CHRNA4: variants seen among roughly 807,000 people sequenced by gnomAD.
The protein encoded by CHRNA4 is neuronal acetylcholine receptor subunit alpha-4.
CHRNA4 carries 28 observed loss-of-function variants against 48.9 expected under a neutral mutation model. That is an observed-to-expected ratio of 0.57 (90% confidence interval 0.42 to 0.79). CHRNA4 has a LOEUF of 0.79. CHRNA4 is among the 30% of genes least tolerant of loss of function. The pLI is 0.00. For synonymous variants in CHRNA4, 425 were observed against 402.3 expected, an observed-to-expected ratio of 1.06 and a Z score of -0.68; for missense variants, 859 against 898.4, an observed-to-expected ratio of 0.96 and a Z score of 0.56.
rs1314808784 is a variant in CHRNA4 at position 63,350,171 on chromosome 20, C to T, written c.1240G>A (p.Val414Met). The change falls in exon 5 of 6, where the codon GTG becomes ATG. Residue 414 changes from valine to methionine, a missense_variant. Coordinates refer to ENST00000370263, the MANE Select transcript of CHRNA4 (RefSeq NM_000744.7). Reference protein sequence around the residue: ...PSPSFCVPLDVPAEPGPSCKS... With the variant: ...PSPSFCVPLDMPAEPGPSCKS... The stretch of plus-strand genomic sequence containing the variant: ...CAGGAAGGCCCAGGCTCAGCCGGCA[C>T]ATCCAGGGGGACACAGAAGGACGGT... The T allele has an allele frequency of 1.9e-6, 3 of 1,589,434 alleles. No homozygotes were observed. Among genetic ancestry groups the T allele is most frequent in the East Asian group, 2.3e-5 (1 of 43,940 alleles).
chr20:63,361,312 TGCG>T lies in CHRNA4; in HGVS notation c.-150_-148del, dbSNP rs1253260994. 2.0e-5 allele frequency: 24 copies of T among 1,182,662 alleles called. 1 individual carries two copies. In the East Asian group the frequency reaches 4.8e-4, roughly 23 times the overall value. The allele number at this position is 1,182,662 out of a possible 1,614,324, so 73.3% of individuals were successfully genotyped here. On this transcript the variant is annotated 5_prime_UTR_variant, in exon 1 of 6. Transcript: ENST00000370263. ...GTTCGTCTTCTCCTGTGGGGCGCGG[TGCG>T]GCGGCGGCGCGGCAGGGAGCGCCGG...
intron 4 of CHRNA4, 79 bp from the exon 5 acceptor site, chr20:63,351,106 T>TGCCCACGTCCACACCCAC (rs1568811238): frequency 7.9e-7 from 1 of 1,270,680 alleles, no homozygotes; most frequent in Non-Finnish European, 1.1e-6. Flanking sequence ...GCCACACCCA[T>TGCCCACGTCCACACCCAC]GCCCACGTCC....
Position 63,350,390 on chromosome 20 carries a change from G to A in CHRNA4, c.1021C>T (p.Pro341Ser). 1 of 1,613,900 alleles carries A rather than the reference G, an allele frequency of 6.2e-7. No homozygotes were observed. The highest frequency in any genetic ancestry group is 8.5e-7 in the Non-Finnish European group (1 of 1,180,038). The change falls in exon 5 of 6, where the codon CCC (proline) becomes TCC (serine). Residue 341 changes from proline to serine, a missense_variant. Transcript: ENST00000370263. Reference protein sequence around the residue: ...HHRSPRTHTMPTWVRRVFLDI... With the variant: ...HHRSPRTHTMSTWVRRVFLDI... Reference sequence around the variant, plus strand: ...AGGAAGACCCTGCGTACCCAGGTGGGCATGGTGTGCGTGCGTGGCGAGCGG... The same window carrying A: ...AGGAAGACCCTGCGTACCCAGGTGGACATGGTGTGCGTGCGTGGCGAGCGG...
rs2068437415 is a variant in CHRNA4 at position 63,343,524 on chromosome 20, T to C, written c.*3214A>G. On this transcript the variant is annotated 3_prime_UTR_variant, in exon 6 of 6. Transcript: ENST00000370263. Reference sequence around the variant, plus strand: ...CACAGCAGCTGCGTGCCCTAGAGTGTCCTGGGCCCGGCCTTAACTTACAAG... The same window carrying C: ...CACAGCAGCTGCGTGCCCTAGAGTGCCCTGGGCCCGGCCTTAACTTACAAG... 4 of 454,114 alleles carry C rather than the reference T, an allele frequency of 8.8e-6. No individual in the cohort carries two copies. The highest frequency in any genetic ancestry group is 1.8e-5 in the Non-Finnish European group (4 of 226,794). 28.1% of individuals were successfully genotyped at this position (454,114 alleles called of 1,614,324 possible).
At position 63,361,310 on chromosome 20, in the gene CHRNA4, G is replaced by A; in HGVS notation, c.-145C>T. ...CGGTTCGTCTTCTCCTGTGGGGCGC[G>A]GTGCGGCGGCGGCGCGGCAGGGAGC... On this transcript the variant is annotated 5_prime_UTR_variant, in exon 1 of 6. Transcript: ENST00000370263. The A allele has an allele frequency of 1.6e-6, 2 of 1,227,316 alleles. No homozygotes were observed. Among genetic ancestry groups the A allele is most frequent in the African/African-American group, 1.7e-5 (1 of 58,120 alleles). 76.0% of individuals were successfully genotyped at this position (1,227,316 alleles called of 1,614,324 possible).
At chr20:63,346,943 G>C in intron 5 of CHRNA4, 80 bp from the exon 6 acceptor site, 1 of 1,596,214 alleles carries the variant, frequency 6.3e-7, no homozygotes, top group East Asian at 2.2e-5. Flanking sequence ...GGCGCCGCCG[G>C]CAACAGCTTC....
At chr20:63,360,833 A>C (rs1447329015) in intron 1 of CHRNA4, 4 of 390,042 alleles carry the variant, frequency 1.0e-5, no homozygotes, top group Non-Finnish European at 1.8e-5. Context: ...CTGAAATAGC[A>C]GCGGAACCCC....
In CHRNA4 at chr20:63,345,133, G is replaced by T. The variant is rs1167273020; in HGVS notation, c.*1605C>A. The T allele has an allele frequency of 1.3e-5, 6 of 453,878 alleles. No individual in the cohort carries two copies. The East Asian group carries it at 2.8e-4, about 21-fold the overall frequency. 28.1% of individuals were successfully genotyped at this position (453,878 alleles called of 1,614,324 possible). ...CATTTCTGGGGCACTCGGCATGCCG[G>T]GTTCCTAACCTCAATTATTCATTCT... On this transcript the variant is annotated 3_prime_UTR_variant, in exon 6 of 6. Coordinates refer to ENST00000370263, the MANE Select transcript of CHRNA4 (RefSeq NM_000744.7). This position sits in a 1 kb window ranked among gnomAD's most constrained non-coding sequence, Gnocchi z 5.4.
chr20:63,353,584 T>G (rs1389068458), intron 4 of CHRNA4, among the ~76,000 whole-genome samples: 1 of 37,822 alleles, frequency 2.6e-5, no homozygotes, highest in Non-Finnish European at 5.0e-5. Flanking sequence ...GCTGCGGTCC[T>G]GGGGGGACTG....
intron 4 of CHRNA4, among the ~76,000 whole-genome samples, chr20:63,351,485 T>C (rs1276823783): frequency 1.3e-5 from 2 of 152,128 alleles, no homozygotes; most frequent in Non-Finnish European, 2.9e-5. Context: ...ATGGGGCTAG[T>C]CTCCCAGCGT....
intron 4 of CHRNA4, among the ~76,000 whole-genome samples, chr20:63,352,280 C>T (rs1465612507): frequency 6.6e-6 from 1 of 152,176 alleles, no homozygotes; most frequent in East Asian, 1.9e-4. Context: ...TGGACCTGCA[C>T]CTCAACCTCC....
At position 63,350,307 on chromosome 20, in the gene CHRNA4, GCAA is replaced by G. The variant is rs1568809240; in HGVS notation, c.1101_1103del (p.Cys368del). The G allele has an allele frequency of 6.2e-7, 1 of 1,613,112 alleles. No individual in the cohort carries two copies. The highest frequency in any genetic ancestry group is 2.2e-5 in the East Asian group (1 of 44,880). ...TATGCATGGACTCGATGAGCCGCCG[GCAA>G]TTGTCCTTGACCACGGACGGCCGCT... On this transcript the variant is annotated inframe_deletion, in exon 5 of 6. Coordinates refer to ENST00000370263, the MANE Select transcript of CHRNA4 (RefSeq NM_000744.7).
Position 63,344,215 on chromosome 20 carries a change from G to T in CHRNA4, c.*2523C>A, listed in dbSNP as rs202107761. 4 of 453,922 alleles carry T rather than the reference G, an allele frequency of 8.8e-6. No homozygotes were observed. The highest frequency in any genetic ancestry group is 2.0e-5 in the African/African-American group (1 of 49,966). 28.1% of individuals were successfully genotyped at this position (453,922 alleles called of 1,614,324 possible). On this transcript the variant is annotated 3_prime_UTR_variant, in exon 6 of 6. Coordinates refer to ENST00000370263, the MANE Select transcript of CHRNA4 (RefSeq NM_000744.7). The surrounding 1 kb of genome is among the most constrained non-coding windows in gnomAD (Gnocchi z 4.5). ...AGGATGAAGAAGCCAGACATCAAAG[G>T]CTCCAACTGCAGGATTCTGACTCCT... is the stretch of plus-strand genomic sequence containing the variant.
intron 1 of CHRNA4, 36 bp downstream of exon 1, chr20:63,361,054 G>A: frequency 7.1e-7 from 1 of 1,404,074 alleles, no homozygotes; most frequent in Non-Finnish European, 9.3e-7. Flanking sequence ...TCCGAACGCG[G>A]GCGAAAGGGG....
chr20:63,353,903 GGGGGCTGTGGTCCT>G (rs1440337160), intron 4 of CHRNA4, among the ~76,000 whole-genome samples: 2 of 49,470 alleles, frequency 4.0e-5, no homozygotes, highest in Non-Finnish European at 9.1e-5. Flanking sequence ...TGTGGTCCTG[GGGGGCTGTGGTCCT>G]GGGGGGCTGT....
chr20:63,352,629 A>G (rs2068632772), intron 4 of CHRNA4, among the ~76,000 whole-genome samples: 1 of 151,972 alleles, frequency 6.6e-6, no homozygotes, highest in African/African-American at 2.4e-5. Flanking sequence ...CCAAAAACCA[A>G]CGCCCTCCAC....
intron 1 of CHRNA4, chr20:63,359,911 G>GTGCCGGGCGTGCGCTGTGTA (rs1568820198): frequency 1.7e-4 from 89 of 518,468 alleles, no homozygotes; most frequent in Middle Eastern, 1.1e-3. Flanking sequence ...GTGTGTGTGT[G>GTGCCGGGCGTGCGCTGTGTA]TGTGTGTGTG....
chr20:63,357,798 A>G (rs2145405126), intron 2 of CHRNA4, among the ~76,000 whole-genome samples: 1 of 152,298 alleles, frequency 6.6e-6, no homozygotes, highest in African/African-American at 2.4e-5. Flanking sequence ...CAGGAGCGTC[A>G]GCACCCACGT....
In CHRNA4 at chr20:63,358,523, T is replaced by C. The variant is rs376999018; in HGVS notation, c.228+1025A>G. On this transcript the variant is annotated intron_variant, in intron 2 of 5. Transcript: ENST00000370263. ...TCTACAGCATACAAATGCCTCCCCATGTGGGGGTGCCCTCCCTGGACCAGC... is the reference window on the plus strand; with the variant it reads ...TCTACAGCATACAAATGCCTCCCCACGTGGGGGTGCCCTCCCTGGACCAGC... Among the ~76,000 whole-genome samples the C allele has an allele frequency of 3.7e-4, 56 of 152,316 alleles. 1 individual carries two copies. In the South Asian group the frequency reaches 9.3e-3, roughly 25 times the overall value.
Sources: allele counts gnomAD v4.1 joint callset (sites outside exome capture counted in the v4.1 genomes callset), GRCh38; gene constraint gnomAD v4.1.1; non-coding constraint Gnocchi (gnomAD v3.1); transcripts MANE v1.5; gene names NCBI Gene and HGNC (gene_info 2026-07-23, HGNC 2026-07-21).